P3H2: variants seen among roughly 807,000 people sequenced by gnomAD.
P3H2 encodes leprecan-like 1.
In P3H2, 80 loss-of-function variants were observed where a neutral mutation model predicts 87.0. That is an observed-to-expected ratio of 0.92 (90% CI 0.77 to 1.11). The LOEUF (loss-of-function observed/expected upper bound fraction) is 1.11. Among genes scored for constraint, P3H2 ranks in the 50% least tolerant of loss-of-function variants. P3H2 has a pLI of 0.00. For missense variants in P3H2, 1,001 were observed against 923.9 expected (o/e 1.08, Z -1.08); for synonymous variants, 367 against 359.3 (o/e 1.02, Z -0.24).
At chr3:190,037,659 C>T (rs181027482) in intron 1 of P3H2, among the ~76,000 whole-genome samples, 12 of 152,194 alleles carry the variant, frequency 7.9e-5, no homozygotes, top group Non-Finnish European at 2.9e-5. Context: ...ATTACTGACA[C>T]TTATTTGAGA....
At chr3:189,981,339 CCAGA>C (rs766670000) in intron 8 of P3H2, among the ~76,000 whole-genome samples, 14 of 152,138 alleles carry the variant, frequency 9.2e-5, no homozygotes, top group Non-Finnish European at 1.6e-4. Flanking sequence ...GACACTATTT[CCAGA>C]CAGACAGTGT....
At position 189,974,642 on chromosome 3, in the gene P3H2, C is replaced by T. The variant is rs534068067; in HGVS notation, c.1368G>A (p.Ser456=). Residue 456 remains serine (S), a synonymous_variant, in exon 9 of 15, where the codon TCG becomes TCA. Transcript: ENST00000319332. ...LYENITFVYN[S]EQLNGTQRVL... ...CCCGCTGAGTCCCGTTCAGCTGCTCCGAGTTGTAGACGAATGTGATGTTCT... is the reference window on the plus strand; with the variant it reads ...CCCGCTGAGTCCCGTTCAGCTGCTCTGAGTTGTAGACGAATGTGATGTTCT... 1.9e-5 allele frequency: 31 copies of T among 1,614,034 alleles called. No individual in the cohort carries two copies. Among genetic ancestry groups the T allele is most frequent in the African/African-American group, 1.5e-4 (11 of 74,896 alleles).
intron 13 of P3H2, chr3:189,969,220 G>A: frequency 1.4e-6 from 1 of 737,510 alleles, no homozygotes; most frequent in East Asian, 2.6e-5. Flanking sequence ...TGTCACCATG[G>A]CAATACTCGC....
chr3:190,014,388 C>A (rs1360051400), intron 1 of P3H2, among the ~76,000 whole-genome samples: 1 of 152,112 alleles, frequency 6.6e-6, no homozygotes, highest in Non-Finnish European at 1.5e-5. Flanking sequence ...TAAGGCTCTA[C>A]CTAAAGGAGC....
In P3H2 at chr3:189,974,609, CAGG is replaced by C. The variant is rs756269608; in HGVS notation, c.1398_1400del (p.Leu467del). On this transcript the variant is annotated inframe_deletion, in exon 9 of 15. Coordinates refer to ENST00000319332, the MANE Select transcript of P3H2 (RefSeq NM_018192.4). ...ACTGTTCTTCCGACAGGACGTTATC[CAGG>C]AGAACCCGCTGAGTCCCGTTCAGCT... 2 of 1,614,146 alleles carry C rather than the reference CAGG, an allele frequency of 1.2e-6. No homozygotes were observed.
chr3:189,980,231 G>A lies in P3H2; in HGVS notation c.1324+2815C>T, dbSNP rs116399052. Reference sequence around the variant, plus strand: ...AAAGCTGAAGTATACTCTATTCTGCGACACATGCCTCCCTGACATCCCCTT... The same window carrying A: ...AAAGCTGAAGTATACTCTATTCTGCAACACATGCCTCCCTGACATCCCCTT... On this transcript the variant is annotated intron_variant, in intron 8 of 14. Transcript: ENST00000319332. 3.6e-3 allele frequency among the ~76,000 whole-genome samples: 543 copies of A among 152,176 alleles called. 1 individual carries two copies. Among genetic ancestry groups the A allele is most frequent in the Middle Eastern group, 0.034 (10 of 294 alleles).
chr3:190,034,965 C>T (rs1725372622), intron 1 of P3H2, among the ~76,000 whole-genome samples: 2 of 151,160 alleles, frequency 1.3e-5, no homozygotes, highest in South Asian at 2.1e-4. Flanking sequence ...TCTCCTGCCT[C>T]GGCCTCCTGA....
chr3:189,987,882 G>T, intron 4 of P3H2: 3 of 578,134 alleles, frequency 5.2e-6, no homozygotes, highest in Non-Finnish European at 9.1e-6. Flanking sequence ...GTCTGCTTTG[G>T]TACTAGTTGT....
Position 190,120,379 on chromosome 3 carries a change from C to T in P3H2, c.353G>A (p.Arg118His), listed in dbSNP as rs1345315184. The change falls in exon 1 of 15, where the codon CGC becomes CAC. Residue 118 changes from arginine to histidine, a missense_variant. Physicochemically the swap from Arg to His is conservative, Grantham distance 29 (BLOSUM62 0). Transcript: ENST00000319332. Reference protein sequence around the residue: ...PLFRSLLGRARCYRSCETQRL... With the variant: ...PLFRSLLGRAHCYRSCETQRL... The stretch of plus-strand genomic sequence containing the variant: ...CTGGGTCTCACAGCTGCGATAACAG[C>T]GCGCCCGCCCCAACAAGGAGCGGAA... 4 of 1,544,734 alleles carry T rather than the reference C, an allele frequency of 2.6e-6. No homozygotes were observed. Among genetic ancestry groups the T allele is most frequent in the African/African-American group, 1.4e-5 (1 of 73,144 alleles).
chr3:190,077,148 A>C (rs1390222506), intron 1 of P3H2, among the ~76,000 whole-genome samples: 2 of 152,198 alleles, frequency 1.3e-5, no homozygotes, highest in African/African-American at 4.8e-5. Flanking sequence ...TGCATGATTC[A>C]ATAGTTTATG....
At chr3:189,974,430 T>C (rs1723281872) in intron 9 of P3H2, 128 bp downstream of exon 9, 1 of 1,269,294 alleles carries the variant, frequency 7.9e-7, no homozygotes, top group Admixed American at 2.0e-5. Context: ...AAATAATTTA[T>C]GTCTTTCTCC....
chr3:189,992,700 G>C (rs1723914103), intron 3 of P3H2, among the ~76,000 whole-genome samples: 1 of 152,102 alleles, frequency 6.6e-6, no homozygotes, highest in African/African-American at 2.4e-5. Flanking sequence ...TTTACAAAAG[G>C]GAGAGGAGAG....
At position 190,100,190 on chromosome 3, in the gene P3H2, C is replaced by T. The variant is rs190983370; in HGVS notation, c.480+20062G>A. The stretch of plus-strand genomic sequence containing the variant: ...CAGAGGTTGCAGTGAGCCAAGATCA[C>T]GCCATTGCACTCCAGCCTGGGCGAC... On this transcript the variant is annotated intron_variant, in intron 1 of 14. Coordinates refer to ENST00000319332, the MANE Select transcript of P3H2 (RefSeq NM_018192.4). Among the ~76,000 whole-genome samples, 500 of 151,570 alleles carry T rather than the reference C, an allele frequency of 3.3e-3. 2 individuals are homozygous for T. Among genetic ancestry groups the T allele is most frequent in the Non-Finnish European group, 3.4e-3 (231 of 67,862 alleles).
At chr3:190,058,112 C>A (rs1002414413) in intron 1 of P3H2, among the ~76,000 whole-genome samples, 2 of 152,106 alleles carry the variant, frequency 1.3e-5, no homozygotes, top group African/African-American at 4.8e-5. Flanking sequence ...ATCCCAATAT[C>A]ACCTCAGTCA....
intron 1 of P3H2, among the ~76,000 whole-genome samples, chr3:190,107,911 T>C (rs577031680): frequency 2.0e-5 from 3 of 152,278 alleles, no homozygotes; most frequent in African/African-American, 4.8e-5. Context: ...CTGTTTCCAA[T>C]AGTATTTTTT....
intron 1 of P3H2, among the ~76,000 whole-genome samples, chr3:190,086,513 TG>T (rs1727215686): frequency 6.6e-6 from 1 of 152,208 alleles, no homozygotes; most frequent in Non-Finnish European, 1.5e-5. Flanking sequence ...AACTCCTGCT[TG>T]TGCAGAAGAA....
At chr3:189,959,536 CT>C (rs1313953750) in intron 14 of P3H2, among the ~76,000 whole-genome samples, 2 of 151,604 alleles carry the variant, frequency 1.3e-5, no homozygotes, top group Non-Finnish European at 2.9e-5. Flanking sequence ...ATACCTTTCT[CT>C]CTTCTTTAGG....
intron 8 of P3H2, among the ~76,000 whole-genome samples, chr3:189,980,747 T>C (rs903440950): frequency 3.3e-5 from 5 of 152,208 alleles, no homozygotes; most frequent in African/African-American, 9.6e-5. Context: ...CCCAAATCCC[T>C]TGGAATTTCC....
chr3:189,972,430 G>A (rs1409697455), intron 11 of P3H2, among the ~76,000 whole-genome samples: 3 of 152,144 alleles, frequency 2.0e-5, no homozygotes, highest in African/African-American at 7.2e-5. Flanking sequence ...ATTCAGAGGG[G>A]CATAAGACAT....
Sources: allele counts gnomAD v4.1 joint callset (sites outside exome capture counted in the v4.1 genomes callset), GRCh38; gene constraint gnomAD v4.1.1; transcripts MANE v1.5; gene names NCBI Gene and HGNC (gene_info 2026-07-23, HGNC 2026-07-21).